RAP1GDS1: variants seen among roughly 807,000 people sequenced by gnomAD.
The protein encoded by RAP1GDS1 is Rap1 GTPase-GDP dissociation stimulator 1.
In RAP1GDS1, 35 loss-of-function variants were observed where a neutral mutation model predicts 71.1. The ratio of observed to expected loss-of-function variants is 0.49; its 90% confidence interval spans 0.38 to 0.65. The LOEUF is 0.65. Among genes scored for constraint, RAP1GDS1 ranks in the 30% least tolerant of loss-of-function variants. The probability of loss-of-function intolerance (pLI) is 0.00; values close to 1 mark genes in which losing one functional copy is unlikely to be tolerated. For missense variants in RAP1GDS1, 663 were observed against 706.1 expected (o/e 0.94, Z 0.69); for synonymous variants, 229 against 243.1 (o/e 0.94, Z 0.54).
At chr4:98,404,986 A>T (rs1248872673) in intron 7 of RAP1GDS1, among the ~76,000 whole-genome samples, 1 of 152,160 alleles carries the variant, frequency 6.6e-6, no homozygotes, top group Non-Finnish European at 1.5e-5. Context: ...TGGGCAGAAA[A>T]ATCTTAAGAG....
chr4:98,358,151 A>G (rs1214740719), intron 4 of RAP1GDS1, among the ~76,000 whole-genome samples: 1 of 152,034 alleles, frequency 6.6e-6, no homozygotes, highest in Non-Finnish European at 1.5e-5. Context: ...TAGTTCTTTA[A>G]TCAAACAACT....
chr4:98,384,810 G>T (rs567063214), intron 5 of RAP1GDS1, among the ~76,000 whole-genome samples: 2 of 151,480 alleles, frequency 1.3e-5, no homozygotes, highest in African/African-American at 4.8e-5. Context: ...AGTAATTTTA[G>T]CAGTCTAATA....
At chr4:98,405,183 G>C (rs994864271) in intron 7 of RAP1GDS1, among the ~76,000 whole-genome samples, 7 of 152,130 alleles carry the variant, frequency 4.6e-5, no homozygotes, top group Non-Finnish European at 1.0e-4. Flanking sequence ...TTCAAAACAG[G>C]TGTGCTTATT....
chr4:98,420,846 G>A (rs1318930693), intron 11 of RAP1GDS1, among the ~76,000 whole-genome samples: 1 of 152,064 alleles, frequency 6.6e-6, no homozygotes, highest in Non-Finnish European at 1.5e-5. Context: ...TTTTAAATTT[G>A]TCTTCCAGAC....
chr4:98,316,565 T>G (rs899277014), intron 2 of RAP1GDS1, among the ~76,000 whole-genome samples: 2 of 151,956 alleles, frequency 1.3e-5, no homozygotes, highest in Non-Finnish European at 2.9e-5. Context: ...GGGAGTAAGC[T>G]CCAGTGTACT....
chr4:98,376,619 C>G (rs963502243), intron 4 of RAP1GDS1, among the ~76,000 whole-genome samples: 1 of 151,956 alleles, frequency 6.6e-6, no homozygotes, highest in Non-Finnish European at 1.5e-5. Context: ...TACTGTGTTT[C>G]TCAGGCTGAC....
intron 4 of RAP1GDS1, among the ~76,000 whole-genome samples, chr4:98,359,410 CCT>C (rs1738412417): frequency 2.0e-5 from 3 of 152,116 alleles, no homozygotes; most frequent in Admixed American, 6.6e-5. Context: ...TATAAAAAAA[CCT>C]TTAAGTAGTA....
Position 98,279,500 on chromosome 4 carries a change from C to CT in RAP1GDS1, c.5-13899dup, listed in dbSNP as rs200362248. Among the ~76,000 whole-genome samples the CT allele has an allele frequency of 6.1e-5, 9 of 148,596 alleles. No homozygotes were observed. In the South Asian group the frequency reaches 6.4e-4, roughly 11 times the overall value. ...CATATGGAAAAAAACAGGAATTGAA[C>CT]TTTTTTTTTGTGACCCAGAATAATT... On this transcript the variant is annotated intron_variant, in intron 1 of 14. Transcript: ENST00000408927.
intron 3 of RAP1GDS1, among the ~76,000 whole-genome samples, chr4:98,345,704 A>G (rs1395283844): frequency 6.6e-6 from 1 of 152,170 alleles, no homozygotes; most frequent in Non-Finnish European, 1.5e-5. Flanking sequence ...CCCATATGAG[A>G]TAGAGTTATT....
chr4:98,324,379 A>G (rs374452625), intron 2 of RAP1GDS1, among the ~76,000 whole-genome samples: 5 of 152,184 alleles, frequency 3.3e-5, no homozygotes, highest in Non-Finnish European at 7.3e-5. Flanking sequence ...GCATCCCCAT[A>G]AAGCTACCAA....
chr4:98,308,150 GTA>G (rs1560808313), intron 2 of RAP1GDS1, among the ~76,000 whole-genome samples: 1 of 150,818 alleles, frequency 6.6e-6, no homozygotes, highest in Non-Finnish European at 1.5e-5. Context: ...ATATATGTGT[GTA>G]TATATGTGTG....
intron 1 of RAP1GDS1, among the ~76,000 whole-genome samples, chr4:98,262,482 C>T (rs1490249820): frequency 1.3e-5 from 2 of 152,184 alleles, no homozygotes; most frequent in Non-Finnish European, 2.9e-5. Flanking sequence ...TTTACATCAT[C>T]TATTGCTTAA....
chr4:98,325,806 C>A (rs12186134), intron 2 of RAP1GDS1, among the ~76,000 whole-genome samples: 18,006 of 142,972 alleles, frequency 0.13, 1,674 homozygotes, highest in African/African-American at 0.25. Flanking sequence ...TAGCATTGGG[C>A]GATATACCTA....
At chr4:98,389,425 T>C (rs562964367) in intron 5 of RAP1GDS1, among the ~76,000 whole-genome samples, 1 of 152,108 alleles carries the variant, frequency 6.6e-6, no homozygotes, top group Non-Finnish European at 1.5e-5. Context: ...GTTAGCATCA[T>C]AGAAGTAGAT....
At chr4:98,270,911 A>AT (rs1325108303) in intron 1 of RAP1GDS1, among the ~76,000 whole-genome samples, 1 of 151,762 alleles carries the variant, frequency 6.6e-6, no homozygotes, top group Admixed American at 6.6e-5. Flanking sequence ...CAGTAAATAC[A>AT]TTTTCTCTTC....
At chr4:98,392,488 G>A (rs1743861261) in intron 6 of RAP1GDS1, among the ~76,000 whole-genome samples, 1 of 152,210 alleles carries the variant, frequency 6.6e-6, no homozygotes, top group East Asian at 1.9e-4. Context: ...GCCGAGGTGG[G>A]TGGATTGCTT....
At chr4:98,325,980 G>A (rs1024042294) in intron 2 of RAP1GDS1, among the ~76,000 whole-genome samples, 107 of 151,704 alleles carry the variant, frequency 7.1e-4, no homozygotes, top group Non-Finnish European at 1.4e-3. Context: ...ATTATCAGCA[G>A]TTTACCAGTT....
In RAP1GDS1 at chr4:98,437,087, T is replaced by C. The variant is rs1751241262; in HGVS notation, c.1696+19T>C. 5 of 1,570,238 alleles carry C rather than the reference T, an allele frequency of 3.2e-6. No individual in the cohort carries two copies. Among genetic ancestry groups the C allele is most frequent in the Non-Finnish European group, 4.3e-6 (5 of 1,164,140 alleles). On this transcript the variant is annotated intron_variant, in intron 14 of 14. Transcript: ENST00000408927. ...GGATCTGGTAAGTATTCTTCTATCA[T>C]TTGATGTCCATAAACATATGGTTCA...
chr4:98,398,916 T>A (rs773942021), intron 6 of RAP1GDS1, among the ~76,000 whole-genome samples: 7 of 152,104 alleles, frequency 4.6e-5, no homozygotes, highest in Non-Finnish European at 8.8e-5. Context: ...TGAGGGAAAC[T>A]GAAGAGAATA....
Sources: gnomAD v4.1 joint callset for allele counts (sites outside exome capture counted in the v4.1 genomes callset) on GRCh38, gnomAD v4.1.1 for gene constraint, MANE v1.5 for transcripts, NCBI Gene and HGNC (gene_info 2026-07-23, HGNC 2026-07-21) for gene names.